The following PXDNL variants were observed in gnomAD, a reference collection of about 807,000 sequenced individuals.
PXDNL encodes peroxidasin like.
A neutral mutation model predicts 150.8 loss-of-function variants in PXDNL; 145 were observed. The observed-to-expected ratio is 0.96, with a 90% confidence interval of 0.84 to 1.10. The LOEUF is 1.10. Among genes scored for constraint, PXDNL ranks in the 50% least tolerant of loss-of-function variants. The probability of loss-of-function intolerance (pLI) is 0.00; values close to 1 mark genes in which losing one functional copy is unlikely to be tolerated. For missense variants in PXDNL, 2,087 were observed against 1,873.9 expected (o/e 1.11, Z -2.10); for synonymous variants, 757 against 725.7 (o/e 1.04, Z -0.69).
At chr8:51,701,449 C>A (rs899421420) in intron 1 of PXDNL, among the ~76,000 whole-genome samples, 9 of 152,058 alleles carry the variant, frequency 5.9e-5, no homozygotes, top group Admixed American at 5.9e-4. Flanking sequence ...TTTCTCCTTG[C>A]CATAGAGGAG....
At position 51,332,503 on chromosome 8, in the gene PXDNL, T is replaced by A. The variant is rs116346718; in HGVS notation, c.4146+7121A>T. On this transcript the variant is annotated intron_variant, in intron 21 of 22. Coordinates refer to ENST00000356297, the MANE Select transcript of PXDNL (RefSeq NM_144651.5). ...ATCCCTGACTTACGAGAAAAAGAATTCAGGAGGTTATTTATTAAGCTAATC... is the reference window on the plus strand; with the variant it reads ...ATCCCTGACTTACGAGAAAAAGAATACAGGAGGTTATTTATTAAGCTAATC... Among the ~76,000 whole-genome samples, 558 of 151,518 alleles carry A rather than the reference T, an allele frequency of 3.7e-3. 2 individuals carry two copies. The highest frequency in any genetic ancestry group is 0.013 in the African/African-American group (528 of 41,282).
intron 1 of PXDNL, among the ~76,000 whole-genome samples, chr8:51,682,701 G>GA (rs1168287969): frequency 6.6e-6 from 1 of 152,162 alleles, no homozygotes; most frequent in Non-Finnish European, 1.5e-5. Context: ...TTTTCAGTAA[G>GA]AAGCTCAGAG....
chr8:51,739,811 G>C (rs986878627), intron 1 of PXDNL, among the ~76,000 whole-genome samples: 2 of 149,328 alleles, frequency 1.3e-5, no homozygotes, highest in Admixed American at 6.7e-5. Flanking sequence ...AGGAGGTGGA[G>C]CTTGCAATGA....
At chr8:51,331,708 G>A (rs1013078068) in intron 21 of PXDNL, among the ~76,000 whole-genome samples, 3 of 152,108 alleles carry the variant, frequency 2.0e-5, no homozygotes, top group East Asian at 1.9e-4. Context: ...TGTGACTGCC[G>A]GCTTTTCCTC....
intron 3 of PXDNL, among the ~76,000 whole-genome samples, chr8:51,576,142 A>T (rs1167725724): frequency 6.6e-6 from 1 of 151,316 alleles, no homozygotes; most frequent in Non-Finnish European, 1.5e-5. Context: ...GAAATAGAAG[A>T]ACTCAATAAC....
rs761289701 is a variant in PXDNL, at chr8:51,408,932, T to G, written c.2692A>C (p.Asn898His). The change falls in exon 17 of 23, where the codon AAC becomes CAC. Residue 898 changes from asparagine to histidine, a missense_variant. Asn to His is a moderately conservative substitution (Grantham distance 68). Coordinates refer to ENST00000356297, the MANE Select transcript of PXDNL (RefSeq NM_144651.5). ...NQQTAYIDGSNVYGSSERESQ... is the reference protein window; with the variant it reads ...NQQTAYIDGSHVYGSSERESQ... ...TCCCGCTCCGAGCTCCCGTAAACGTTGGAGCCATCGATGTAGGCTGTTTGC... is the reference window on the plus strand; with the variant it reads ...TCCCGCTCCGAGCTCCCGTAAACGTGGGAGCCATCGATGTAGGCTGTTTGC... The G allele has an allele frequency of 6.2e-7, 1 of 1,612,662 alleles. No homozygotes were observed. Among genetic ancestry groups the G allele is most frequent in the Non-Finnish European group, 8.5e-7 (1 of 1,179,694 alleles).
chr8:51,326,632 A>T (rs919830823), intron 21 of PXDNL, among the ~76,000 whole-genome samples: 2 of 152,190 alleles, frequency 1.3e-5, no homozygotes, highest in African/African-American at 4.8e-5. Flanking sequence ...GCAGTTTTAG[A>T]TTTCCTAAGG....
At chr8:51,700,904 T>C (rs919777703) in intron 1 of PXDNL, among the ~76,000 whole-genome samples, 2 of 151,610 alleles carry the variant, frequency 1.3e-5, no homozygotes, top group African/African-American at 4.8e-5. Context: ...TATACTCCTA[T>C]ACATACACAA....
At position 51,449,071 on chromosome 8, in the gene PXDNL, C is replaced by G; in HGVS notation, c.1297G>C (p.Glu433Gln). ...VTPKDQVVLE[E>Q]HAVEWLCEAD... ...TCACAGAGCCACTCTACAGCATGTT[C>G]TTCCAGCACCACTTGATCCTTGGGG... is the stretch of plus-strand genomic sequence containing the variant. Residue 433 changes from glutamate to glutamine, a missense_variant, in exon 11 of 23, where the codon GAA becomes CAA. Transcript: ENST00000356297. 4.5e-6 allele frequency: 7 copies of G among 1,553,136 alleles called. No individual in the cohort carries two copies. The highest frequency in any genetic ancestry group is 6.1e-6 in the Non-Finnish European group (7 of 1,147,692).
Position 51,408,542 on chromosome 8 carries a change from T to C in PXDNL, c.3082A>G (p.Arg1028Gly). 1 of 1,613,258 alleles carries C rather than the reference T, an allele frequency of 6.2e-7. No individual in the cohort carries two copies. The highest frequency in any genetic ancestry group is 8.5e-7 in the Non-Finnish European group (1 of 1,179,622). ...LPKVLGDPGTRMLRGYRGYNP... is the reference protein window; with the variant it reads ...LPKVLGDPGTGMLRGYRGYNP... ...TAGCCTCGGTAACCCCTCAGCATCC[T>C]AGTGCCAGGGTCCCCCAGGACCTTA... The change falls in exon 17 of 23, where the codon AGG becomes GGG. Residue 1028 changes from arginine to glycine, a missense_variant. Arg to Gly is a moderately radical substitution (Grantham distance 125). Coordinates refer to ENST00000356297, the MANE Select transcript of PXDNL (RefSeq NM_144651.5).
chr8:51,637,185 C>A (rs1047284691), intron 2 of PXDNL, among the ~76,000 whole-genome samples: 18 of 152,270 alleles, frequency 1.2e-4, no homozygotes, highest in African/African-American at 4.3e-4. Context: ...ACCAAAACCC[C>A]ATCTGTATGT....
intron 2 of PXDNL, among the ~76,000 whole-genome samples, chr8:51,640,414 G>T (rs531160616): frequency 1.3e-5 from 2 of 152,214 alleles, no homozygotes; most frequent in Non-Finnish European, 2.9e-5. Flanking sequence ...AAGTCAAATT[G>T]TCCCTGTTTG....
intron 3 of PXDNL, among the ~76,000 whole-genome samples, chr8:51,576,276 T>C (rs1270249666): frequency 6.7e-6 from 1 of 149,066 alleles, no homozygotes; most frequent in African/African-American, 2.5e-5. Context: ...TCAAGATAGA[T>C]CATGTCCTGA....
chr8:51,596,365 CAT>C (rs1813563912), intron 2 of PXDNL, among the ~76,000 whole-genome samples: 1 of 152,084 alleles, frequency 6.6e-6, no homozygotes, highest in Admixed American at 6.6e-5. Context: ...AACATATGAG[CAT>C]ATGTGTCTTT....
chr8:51,525,148 C>G (rs1432957031), intron 4 of PXDNL, among the ~76,000 whole-genome samples: 1 of 152,050 alleles, frequency 6.6e-6, no homozygotes, highest in Non-Finnish European at 1.5e-5. Flanking sequence ...TTAAAATCTT[C>G]ACACATCACT....
Position 51,327,365 on chromosome 8 carries a change from C to T in PXDNL, c.4147-6468G>A, listed in dbSNP as rs186805241. On this transcript the variant is annotated intron_variant, in intron 21 of 22. Transcript: ENST00000356297. ...ACCAAGTTATCTTCTTCAGTGATGG[C>T]CCTGATACAATCATGTAAGTGTCTT... is the stretch of plus-strand genomic sequence containing the variant. Among the ~76,000 whole-genome samples, 9 of 152,310 alleles carry T rather than the reference C, an allele frequency of 5.9e-5. No individual in the cohort carries two copies. In the South Asian group the frequency reaches 8.3e-4, roughly 14 times the overall value.
At chr8:51,692,758 C>T (rs574640777) in intron 1 of PXDNL, among the ~76,000 whole-genome samples, 1 of 152,308 alleles carries the variant, frequency 6.6e-6, no homozygotes, top group East Asian at 1.9e-4. Flanking sequence ...AGGTGTGGTA[C>T]ACCACAGTCT....
intron 3 of PXDNL, among the ~76,000 whole-genome samples, chr8:51,570,212 T>G (rs1052658326): frequency 6.6e-6 from 1 of 151,910 alleles, no homozygotes; most frequent in Non-Finnish European, 1.5e-5. Context: ...ATGAAGAGTC[T>G]GGCAGAGAAG....
chr8:51,324,499 G>A (rs957642495), intron 21 of PXDNL, among the ~76,000 whole-genome samples: 1 of 152,160 alleles, frequency 6.6e-6, no homozygotes, highest in Non-Finnish European at 1.5e-5. Context: ...GTGTCTTGGT[G>A]TGCATTTCTT....
Sources: allele counts gnomAD v4.1 joint callset (sites outside exome capture counted in the v4.1 genomes callset), GRCh38; gene constraint gnomAD v4.1.1; transcripts MANE v1.5; gene names NCBI Gene and HGNC (gene_info 2026-07-23, HGNC 2026-07-21).